ZNF438: variants seen among roughly 807,000 people sequenced by gnomAD.
ZNF438 encodes the protein zinc finger protein 438.
In ZNF438, 25 loss-of-function variants were observed where a neutral mutation model predicts 38.0. The ratio of observed to expected loss-of-function variants is 0.66; its 90% confidence interval spans 0.48 to 0.92. ZNF438 has a LOEUF of 0.92. Among genes scored for constraint, ZNF438 ranks in the 40% least tolerant of loss-of-function variants. The pLI, the probability that ZNF438 is intolerant of heterozygous loss-of-function variation, is 0.00. For missense variants in ZNF438, 1,007 were observed against 999.6 expected, an observed-to-expected ratio of 1.01 and a Z score of -0.10; for synonymous variants, 372 against 364.1, an observed-to-expected ratio of 1.02 and a Z score of -0.25.
chr10:30,900,177 G>A (rs976372757), intron 3 of ZNF438, among the ~76,000 whole-genome samples: 5 of 151,980 alleles, frequency 3.3e-5, no homozygotes, highest in Non-Finnish European at 5.9e-5. Flanking sequence ...TATGGATACT[G>A]AAACTAAATT....
intron 1 of ZNF438, among the ~76,000 whole-genome samples, chr10:31,017,673 T>G (rs2056300813): frequency 6.6e-6 from 1 of 152,224 alleles, no homozygotes; most frequent in African/African-American, 2.4e-5. Context: ...GATTGAAGGT[T>G]AGCTACCTTG....
At chr10:30,927,119 G>T (rs1446501044) in intron 2 of ZNF438, among the ~76,000 whole-genome samples, 1 of 152,180 alleles carries the variant, frequency 6.6e-6, no homozygotes, top group African/African-American at 2.4e-5. Flanking sequence ...CAAGACAAGA[G>T]ATTTCAGCCA....
At chr10:30,988,477 G>C (rs1343495785) in intron 1 of ZNF438, among the ~76,000 whole-genome samples, 1 of 151,850 alleles carries the variant, frequency 6.6e-6, no homozygotes, top group Non-Finnish European at 1.5e-5. Flanking sequence ...CCCTTATGTA[G>C]TATATTATTA....
At chr10:30,856,249 T>A (rs1340753383) in intron 4 of ZNF438, among the ~76,000 whole-genome samples, 1 of 152,206 alleles carries the variant, frequency 6.6e-6, no homozygotes. Context: ...CTGAGAAGTA[T>A]TAGAGCTCAT....
intron 3 of ZNF438, among the ~76,000 whole-genome samples, chr10:30,877,490 C>T (rs1018275206): frequency 3.6e-4 from 55 of 152,068 alleles, no homozygotes; most frequent in African/African-American, 1.1e-3. Context: ...CATTAAAATG[C>T]AACTGTGAAG....
exon 5 of ZNF438, chr10:30,849,943 T>C: frequency 6.2e-7 from 1 of 1,614,124 alleles, no homozygotes; most frequent in Non-Finnish European, 8.5e-7. Flanking sequence ...GAGGACACAT[T>C]TGGGTTTGGG....
chr10:31,023,797 T>C (rs1023784200), intron 1 of ZNF438, among the ~76,000 whole-genome samples: 1 of 152,198 alleles, frequency 6.6e-6, no homozygotes, highest in Non-Finnish European at 1.5e-5. Flanking sequence ...TTCAGTACCT[T>C]TGCTCCTCAA....
chr10:30,988,345 C>T (rs866144171), intron 1 of ZNF438, among the ~76,000 whole-genome samples: 4 of 151,640 alleles, frequency 2.6e-5, no homozygotes, highest in African/African-American at 9.7e-5. Context: ...AAAATGCAAC[C>T]TGAAAAAGAC....
chr10:31,000,863 C>T (rs1345961130), intron 1 of ZNF438, among the ~76,000 whole-genome samples: 1 of 152,072 alleles, frequency 6.6e-6, no homozygotes, highest in Non-Finnish European at 1.5e-5. Context: ...ATGTCATATC[C>T]CTCTCCAAAA....
chr10:31,024,313 A>G (rs1722355484), intron 1 of ZNF438, among the ~76,000 whole-genome samples: 1 of 150,950 alleles, frequency 6.6e-6, no homozygotes, highest in Non-Finnish European at 1.5e-5. Flanking sequence ...TGGGATAACA[A>G]TAACTGGTAA....
intron 3 of ZNF438, among the ~76,000 whole-genome samples, chr10:30,884,697 T>A (rs1460449164): frequency 6.6e-6 from 1 of 152,232 alleles, no homozygotes; most frequent in Admixed American, 6.5e-5. Context: ...ATGATTACTT[T>A]TTATTTTAGT....
intron 4 of ZNF438, chr10:30,857,762 C>A: frequency 6.9e-7 from 1 of 1,452,064 alleles, no homozygotes; most frequent in South Asian, 1.5e-5. Flanking sequence ...TCCTCCATTG[C>A]CATCAAAGGA....
At chr10:30,872,172 G>A (rs1422349564) in intron 4 of ZNF438, among the ~76,000 whole-genome samples, 1 of 151,774 alleles carries the variant, frequency 6.6e-6, no homozygotes, top group Non-Finnish European at 1.5e-5. Flanking sequence ...GAGGTGGGCG[G>A]ATTACAAGGT....
chr10:30,888,344 AAC>A (rs140506626), intron 3 of ZNF438, among the ~76,000 whole-genome samples: 93 of 147,404 alleles, frequency 6.3e-4, no homozygotes, highest in African/African-American at 2.0e-3. Context: ...TAATATTATA[AAC>A]ACACACACAC....
intron 2 of ZNF438, among the ~76,000 whole-genome samples, chr10:30,937,010 A>G (rs1369181576): frequency 6.6e-6 from 1 of 152,166 alleles, no homozygotes; most frequent in Non-Finnish European, 1.5e-5. Context: ...CTTAGCAGCT[A>G]TCGTGTTCCT....
chr10:30,878,188 T>A (rs566968685), intron 3 of ZNF438, among the ~76,000 whole-genome samples: 1 of 152,150 alleles, frequency 6.6e-6, no homozygotes, highest in African/African-American at 2.4e-5. Flanking sequence ...TCTCTCCTGA[T>A]TGGTTCTTTC....
intron 1 of ZNF438, among the ~76,000 whole-genome samples, chr10:30,969,464 G>C (rs1013397765): frequency 6.6e-6 from 1 of 152,188 alleles, no homozygotes; most frequent in African/African-American, 2.4e-5. Flanking sequence ...TCATGACACT[G>C]TAAGAAGCTA....
chr10:30,930,836 C>CAAAAAAAAAAAAAAAAAAAAAAAA (rs2045599179), intron 2 of ZNF438, among the ~76,000 whole-genome samples: 23 of 58,720 alleles, frequency 3.9e-4, no homozygotes, highest in African/African-American at 7.0e-4. Context: ...AAAAAAAAAG[C>CAAAAAAAAAAAAAAAAAAAAAAAA]AAATGGTTCT....
chr10:30,882,586 T>C (rs2039413882), intron 3 of ZNF438, among the ~76,000 whole-genome samples: 1 of 152,190 alleles, frequency 6.6e-6, no homozygotes, highest in African/African-American at 2.4e-5. Context: ...AGATAGACAT[T>C]AAAGAGCAAT....
Sources: gnomAD v4.1 joint callset for allele counts (sites outside exome capture counted in the v4.1 genomes callset) on GRCh38, gnomAD v4.1.1 for gene constraint, MANE v1.5 for transcripts, NCBI Gene and HGNC (gene_info 2026-07-23, HGNC 2026-07-21) for gene names.